Variants in ELL2 observed in about 807,000 individuals in gnomAD.
The protein encoded by ELL2 is RNA polymerase II elongation factor ELL2.
ELL2 carries 21 observed loss-of-function variants against 72.8 expected under a neutral mutation model. The observed-to-expected ratio is 0.29, with a 90% CI of 0.20 to 0.42. The LOEUF (loss-of-function observed/expected upper bound fraction) is 0.42, where lower values mean the gene tolerates loss of function less well. Among genes scored for constraint, ELL2 ranks in the 10% least tolerant of loss-of-function variants. The probability of loss-of-function intolerance (pLI) is 1.00; values close to 1 mark genes in which losing one functional copy is unlikely to be tolerated. For missense variants in ELL2, 568 were observed against 772.8 expected, an observed-to-expected ratio of 0.73 and a Z score of 3.14; for synonymous variants, 266 against 283.2, an observed-to-expected ratio of 0.94 and a Z score of 0.61.
chr5:95,908,684 T>A (rs1436376060), intron 4 of ELL2, among the ~76,000 whole-genome samples: 2 of 152,222 alleles, frequency 1.3e-5, no homozygotes, highest in African/African-American at 2.4e-5. Flanking sequence ...AATCCACCAT[T>A]TCCCAGTTGC....
intron 8 of ELL2, 38 bp downstream of exon 8, chr5:95,898,202 G>A (rs1317450521): frequency 6.7e-7 from 1 of 1,481,998 alleles, no homozygotes; most frequent in Non-Finnish European, 9.1e-7. Context: ...TCAAACTCAT[G>A]ATAGCATGCA....
intron 1 of ELL2, among the ~76,000 whole-genome samples, chr5:95,959,300 C>CTG (rs1751726735): frequency 6.6e-6 from 1 of 152,198 alleles, no homozygotes; most frequent in Admixed American, 6.5e-5. Flanking sequence ...TTCCCACCCA[C>CTG]TGTGTGTCAA....
intron 1 of ELL2, among the ~76,000 whole-genome samples, chr5:95,955,932 A>G (rs1487700727): frequency 2.0e-5 from 3 of 151,924 alleles, no homozygotes; most frequent in East Asian, 3.9e-4. Context: ...GTTAAAAGTG[A>G]CCTAGCCTTA....
At chr5:95,943,241 T>C (rs1280740055) in intron 1 of ELL2, among the ~76,000 whole-genome samples, 192 bp from the exon 2 acceptor site, 1 of 149,236 alleles carries the variant, frequency 6.7e-6, no homozygotes, top group Non-Finnish European at 1.5e-5. Flanking sequence ...GGCAATACAG[T>C]GAGACCTCCC....
chr5:95,930,346 G>A (rs958628042), intron 2 of ELL2, among the ~76,000 whole-genome samples: 1 of 152,210 alleles, frequency 6.6e-6, no homozygotes, highest in Admixed American at 6.5e-5. Flanking sequence ...GTCAGCAGCA[G>A]TTGTGTAAAT....
At chr5:95,924,601 T>C (rs1259339553) in intron 2 of ELL2, among the ~76,000 whole-genome samples, 1 of 152,208 alleles carries the variant, frequency 6.6e-6, no homozygotes, top group East Asian at 1.9e-4. Context: ...AACAGTTTCT[T>C]GTTCAAGATG....
chr5:95,902,796 T>A (rs1749191321), intron 5 of ELL2, among the ~76,000 whole-genome samples: 1 of 152,216 alleles, frequency 6.6e-6, no homozygotes, highest in Admixed American at 6.5e-5. Context: ...CTTTTTCATT[T>A]TTTGAGACAA....
rs575987183 is a variant in ELL2 at position 95,904,890 on chromosome 5, T to C, written c.741+1633A>G. ...CTGATATCTTTCTTGGGAGGATAAA[T>C]GAGATCGTGCACGTGAAATGCCTAG... On this transcript the variant is annotated intron_variant, in intron 5 of 11. Coordinates refer to ENST00000237853, the MANE Select transcript of ELL2 (RefSeq NM_012081.6). Among the ~76,000 whole-genome samples the C allele has an allele frequency of 4.3e-4, 66 of 152,280 alleles. 1 individual carries two copies. The highest frequency in any genetic ancestry group is 3.5e-3 in the South Asian group (17 of 4,820).
chr5:95,923,261 G>A (rs1750162639), intron 2 of ELL2, among the ~76,000 whole-genome samples: 1 of 150,386 alleles, frequency 6.6e-6, no homozygotes, highest in East Asian at 1.9e-4. Flanking sequence ...AAGAAATACA[G>A]AGTAACTTAT....
chr5:95,906,069 G>A (rs1187485506), intron 5 of ELL2, among the ~76,000 whole-genome samples: 2 of 152,184 alleles, frequency 1.3e-5, no homozygotes, highest in Non-Finnish European at 2.9e-5. Context: ...GAAAAAGATA[G>A]AGTAATAAGG....
In ELL2 at chr5:95,904,057, C is replaced by T. The variant is rs533924350; in HGVS notation, c.741+2466G>A. Among the ~76,000 whole-genome samples the T allele has an allele frequency of 7.2e-5, 11 of 152,214 alleles. No homozygotes were observed. The East Asian group carries it at 1.4e-3, about 19-fold the overall frequency. Reference sequence around the variant, plus strand: ...TCCTGCCCCTCCAAGCCATTCTTGCCGTAGAAGTCTTAAATGCAGTCTAAA... The same window carrying T: ...TCCTGCCCCTCCAAGCCATTCTTGCTGTAGAAGTCTTAAATGCAGTCTAAA... On this transcript the variant is annotated intron_variant, in intron 5 of 11. Transcript: ENST00000237853.
At chr5:95,933,555 T>C (rs540701918) in intron 2 of ELL2, among the ~76,000 whole-genome samples, 1 of 152,212 alleles carries the variant, frequency 6.6e-6, no homozygotes, top group South Asian at 2.1e-4. Flanking sequence ...AAAATGTAAG[T>C]GTGAGCAAGA....
intron 1 of ELL2, among the ~76,000 whole-genome samples, chr5:95,957,844 C>T (rs988280272): frequency 6.6e-6 from 1 of 152,158 alleles, no homozygotes; most frequent in African/African-American, 2.4e-5. Flanking sequence ...TGTAAATTTG[C>T]TCAATTACAT....
chr5:95,954,061 C>T (rs531170773), intron 1 of ELL2, among the ~76,000 whole-genome samples: 3 of 152,306 alleles, frequency 2.0e-5, no homozygotes, highest in Admixed American at 6.5e-5. Flanking sequence ...TTCAACTTTC[C>T]TCAAAACGTC....
intron 1 of ELL2, among the ~76,000 whole-genome samples, chr5:95,959,982 TG>T (rs966474728): frequency 2.0e-5 from 3 of 151,918 alleles, no homozygotes; most frequent in South Asian, 4.2e-4. Flanking sequence ...ACTTATGGGG[TG>T]GGGGGGCTCT....
Position 95,888,859 on chromosome 5 carries a change from C to T in ELL2, c.*12G>A. Reference sequence around the variant, plus strand: ...CTTAAGTTTATTCACATCTTCTGGTCCAAGCAGAGTTCTAGGACCATGACT... The same window carrying T: ...CTTAAGTTTATTCACATCTTCTGGTTCAAGCAGAGTTCTAGGACCATGACT... On this transcript the variant is annotated 3_prime_UTR_variant, in exon 12 of 12. Coordinates refer to ENST00000237853, the MANE Select transcript of ELL2 (RefSeq NM_012081.6). 1 of 1,557,496 alleles carries T rather than the reference C, an allele frequency of 6.4e-7. No homozygotes were observed. The highest frequency in any genetic ancestry group is 8.7e-7 in the Non-Finnish European group (1 of 1,150,216).
Position 95,961,694 on chromosome 5 carries a change from G to T in ELL2, c.28C>A (p.Arg10=). The T allele has an allele frequency of 6.2e-7, 1 of 1,602,506 alleles. No homozygotes were observed. Among genetic ancestry groups the T allele is most frequent in the Non-Finnish European group, 8.5e-7 (1 of 1,175,592 alleles). The change falls in exon 1 of 12, where the codon CGG becomes AGG. Residue 10 remains arginine, a synonymous_variant. Transcript: ENST00000237853. MAAGGTGGL[R]EEQRYGLSCG... is the part of the protein sequence containing the mutation. ...GACAGCCCATAGCGCTGCTCCTCCC[G>T]CAGGCCCCCTGTCCCCCCCGCCGCC...
At chr5:95,952,899 T>C (rs1181538796) in intron 1 of ELL2, among the ~76,000 whole-genome samples, 3 of 152,040 alleles carry the variant, frequency 2.0e-5, no homozygotes, top group African/African-American at 4.8e-5. Flanking sequence ...CAGAGGAAAG[T>C]AGGCAAAGGA....
chr5:95,895,832 A>T, intron 8 of ELL2, 141 bp from the exon 9 acceptor site: 1 of 733,342 alleles, frequency 1.4e-6, no homozygotes, highest in African/African-American at 1.8e-5. Context: ...ACAGTGAGCA[A>T]GGAATACAAT....
Sources: allele counts gnomAD v4.1 joint callset (sites outside exome capture counted in the v4.1 genomes callset), GRCh38; gene constraint gnomAD v4.1.1; transcripts MANE v1.5; gene names NCBI Gene and HGNC (gene_info 2026-07-23, HGNC 2026-07-21).